CREBL2: variants seen among roughly 807,000 people sequenced by gnomAD.
CREBL2 encodes cAMP responsive element binding protein like 2, also known as cAMP-responsive element-binding protein-like 2.
In CREBL2, 4 loss-of-function variants were observed where a neutral mutation model predicts 19.5. That is an observed-to-expected ratio of 0.20 (90% CI 0.10 to 0.47). The LOEUF (loss-of-function observed/expected upper bound fraction) is 0.47. CREBL2 is among the 20% of genes least tolerant of loss of function. The pLI is 0.98. For missense variants in CREBL2, 85 were observed against 145.1 expected (o/e 0.59, Z 2.13); for synonymous variants, 42 against 46.6 (o/e 0.90, Z 0.40).
At chr12:12,638,843 A>G (rs1462411133) in intron 3 of CREBL2, among the ~76,000 whole-genome samples, 1 of 152,208 alleles carries the variant, frequency 6.6e-6, no homozygotes, top group Non-Finnish European at 1.5e-5. Context: ...TAAAATTCAC[A>G]TAACATAAAA....
At chr12:12,633,740 C>T (rs1296059957) in intron 1 of CREBL2, among the ~76,000 whole-genome samples, 1 of 152,140 alleles carries the variant, frequency 6.6e-6, no homozygotes, top group Non-Finnish European at 1.5e-5. Context: ...TAGTAATGAT[C>T]TCATCTTTTT....
chr12:12,612,353 G>A (rs1326045410), intron 1 of CREBL2, among the ~76,000 whole-genome samples, 166 bp downstream of exon 1: 3 of 152,134 alleles, frequency 2.0e-5, no homozygotes, highest in African/African-American at 7.2e-5. Context: ...AGGAAATCAG[G>A]GAACACCGGG....
intron 1 of CREBL2, among the ~76,000 whole-genome samples, chr12:12,613,990 C>CTTTTTTTTTTTTTTT (rs57522744): frequency 1.5e-3 from 109 of 72,804 alleles, no homozygotes; most frequent in East Asian, 2.0e-3. Flanking sequence ...TCTTTTTTTT[C>CTTTTTTTTTTTTTTT]TTTTTTTTTT....
At chr12:12,635,030 C>T (rs1315036611) in intron 1 of CREBL2, among the ~76,000 whole-genome samples, 1 of 151,682 alleles carries the variant, frequency 6.6e-6, no homozygotes, top group Non-Finnish European at 1.5e-5. Context: ...CCACTGTGCT[C>T]CAGCCTGGGT....
At chr12:12,619,072 AG>A (rs1566105563) in intron 1 of CREBL2, among the ~76,000 whole-genome samples, 3 of 50,132 alleles carry the variant, frequency 6.0e-5, no homozygotes, top group Non-Finnish European at 2.3e-4. Context: ...AGGGAGAGGG[AG>A]AGGAGGGAGA....
chr12:12,635,239 C>T (rs1398609806), intron 1 of CREBL2, among the ~76,000 whole-genome samples: 1 of 151,926 alleles, frequency 6.6e-6, no homozygotes, highest in Non-Finnish European at 1.5e-5. Flanking sequence ...CATGGTGGCT[C>T]ATGCCTATAG....
rs71755460 is a variant in CREBL2 at position 12,643,660 on chromosome 12, CTCTAGTCTAGTCTAG to C, written c.*1680_*1694del. 2.0e-5 allele frequency: 3 copies of C among 151,214 alleles called. No individual in the cohort carries two copies. The highest frequency in any genetic ancestry group is 3.0e-5 in the Non-Finnish European group (2 of 67,784). The allele number at this position is 151,214 out of a possible 1,614,324, so 9.4% of individuals were successfully genotyped here. On this transcript the variant is annotated 3_prime_UTR_variant, in exon 4 of 4. Coordinates refer to ENST00000228865, the MANE Select transcript of CREBL2 (RefSeq NM_001310.4). Reference sequence around the variant, plus strand: ...CTTGTACTTGGTTGCAAACTCAGATCTCTAGTCTAGTCTAGTCTAGTCTAGTCTAGTCATGTGTGA... The same window carrying C: ...CTTGTACTTGGTTGCAAACTCAGATCTCTAGTCTAGTCTAGTCATGTGTGA...
intron 1 of CREBL2, among the ~76,000 whole-genome samples, chr12:12,627,542 C>T (rs1945411432): frequency 6.6e-6 from 1 of 152,088 alleles, no homozygotes; most frequent in Non-Finnish European, 1.5e-5. Context: ...AGTGTTGTAC[C>T]GTGTGTCAGC....
At chr12:12,636,412 T>A (rs1458615197) in intron 2 of CREBL2, among the ~76,000 whole-genome samples, 2 of 148,498 alleles carry the variant, frequency 1.3e-5, no homozygotes, top group Non-Finnish European at 3.1e-5. Context: ...TATTTATTTA[T>A]TTTTATTTTT....
chr12:12,614,878 G>A (rs56276431), intron 1 of CREBL2: 1 of 198,802 alleles, frequency 5.0e-6, no homozygotes. Flanking sequence ...TTTTTTTTGA[G>A]ATGGAGTCTC....
At chr12:12,635,631 G>A (rs1945469267) in intron 1 of CREBL2, 146 bp from the exon 2 acceptor site, 1 of 802,998 alleles carries the variant, frequency 1.2e-6, no homozygotes. Context: ...GACCCAGAAG[G>A]CATTTGATGG....
chr12:12,632,313 G>A (rs1397749415), intron 1 of CREBL2, among the ~76,000 whole-genome samples: 3 of 151,684 alleles, frequency 2.0e-5, no homozygotes, highest in East Asian at 1.9e-4. Flanking sequence ...TCCTGACCTC[G>A]TGATCCGCCC....
intron 1 of CREBL2, among the ~76,000 whole-genome samples, chr12:12,620,383 G>GC (rs1342639509): frequency 6.6e-6 from 1 of 152,038 alleles, no homozygotes; most frequent in African/African-American, 2.4e-5. Flanking sequence ...ACAGGCACCT[G>GC]CCACCATGCC....
At position 12,644,393 on chromosome 12, in the gene CREBL2, G is replaced by A. The variant is rs887386715; in HGVS notation, c.*2395G>A. 48 of 152,412 alleles carry A rather than the reference G, an allele frequency of 3.1e-4. No individual in the cohort carries two copies. Among genetic ancestry groups the A allele is most frequent in the Non-Finnish European group, 5.9e-5 (4 of 68,036 alleles). The allele number at this position is 152,412 out of a possible 1,614,324, so 9.4% of individuals were successfully genotyped here. On this transcript the variant is annotated 3_prime_UTR_variant, in exon 4 of 4. Coordinates refer to ENST00000228865, the MANE Select transcript of CREBL2 (RefSeq NM_001310.4). ...CTGGCACCCCTCACCTTTTTGTGAT[G>A]ACAAGATGGCTGACAGTCACGGAGT...
rs1438448269 is a variant in CREBL2 at position 12,618,468 on chromosome 12, CGTT to C, written c.15+6283_15+6285del. Among the ~76,000 whole-genome samples the C allele has an allele frequency of 1.7e-3, 242 of 142,852 alleles. 3 individuals are homozygous for C. Among genetic ancestry groups the C allele is most frequent in the African/African-American group, 6.0e-3 (221 of 36,972 alleles). The allele number at this position is 142,852 out of a possible 152,430, so 93.7% of individuals were successfully genotyped here. A position where few individuals can be genotyped will look rare whatever the true frequency, so the allele number is the denominator to read the frequency against. On this transcript the variant is annotated intron_variant, in intron 1 of 3. Transcript: ENST00000228865. ...GCAGAGGCGCTCCCCACATCTCAGA[CGTT>C]GGGCGGCCGGGCAGAGACGCTCCTC...
intron 3 of CREBL2, among the ~76,000 whole-genome samples, chr12:12,641,554 C>T (rs1021532192): frequency 2.0e-5 from 3 of 151,974 alleles, no homozygotes; most frequent in Non-Finnish European, 4.4e-5. Flanking sequence ...GGTAATTCAC[C>T]CGCCTTGGCC....
At chr12:12,640,973 T>G (rs1195357532) in intron 3 of CREBL2, among the ~76,000 whole-genome samples, 1 of 152,126 alleles carries the variant, frequency 6.6e-6, no homozygotes, top group African/African-American at 2.4e-5. Flanking sequence ...TTATGAAGAT[T>G]TACCTGCCTC....
intron 1 of CREBL2, among the ~76,000 whole-genome samples, chr12:12,613,911 CA>C (rs1367731170): frequency 2.1e-5 from 2 of 96,036 alleles, no homozygotes; most frequent in Admixed American, 2.3e-4. Flanking sequence ...GAAAAATCAG[CA>C]AGTAATTTTT....
intron 1 of CREBL2, among the ~76,000 whole-genome samples, chr12:12,631,073 T>C (rs1056180537): frequency 2.0e-5 from 3 of 152,098 alleles, no homozygotes; most frequent in Non-Finnish European, 4.4e-5. Flanking sequence ...AAACAGGGAG[T>C]TGGAAAATTG....
Sources: allele counts gnomAD v4.1 joint callset (sites outside exome capture counted in the v4.1 genomes callset), GRCh38; gene constraint gnomAD v4.1.1; transcripts MANE v1.5; gene names NCBI Gene and HGNC (gene_info 2026-07-23, HGNC 2026-07-21).